Variants in KAT6B observed in about 807,000 individuals in gnomAD.
KAT6B encodes histone acetyltransferase KAT6B.
KAT6B carries 10 observed loss-of-function variants against 187.5 expected under a neutral mutation model. The observed-to-expected ratio is 0.05, with a 90% confidence interval of 0.03 to 0.09. The LOEUF is 0.09. Among genes scored for constraint, KAT6B ranks in the 10% least tolerant of loss-of-function variants. The pLI is 1.00. For missense variants in KAT6B, 1,952 were observed against 2,558.9 expected (o/e 0.76, Z 5.12); for synonymous variants, 861 against 926.8 (o/e 0.93, Z 1.29).
At chr10:74,969,840 A>G in intron 5 of KAT6B, 65 bp downstream of exon 5, 2 of 1,227,160 alleles carry the variant, frequency 1.6e-6, no homozygotes, top group Non-Finnish European at 1.2e-6. Context: ...AGGTGTTTTC[A>G]TTTTTATAGA....
intron 13 of KAT6B, among the ~76,000 whole-genome samples, chr10:75,003,693 G>A (rs772409363): frequency 6.6e-6 from 1 of 151,970 alleles, no homozygotes; most frequent in South Asian, 2.1e-4. Context: ...AAAAGCTTCT[G>A]CCATTACTGT....
In KAT6B at chr10:75,029,297, G is replaced by A; in HGVS notation, c.4473G>A (p.Glu1491=). The stretch of plus-strand genomic sequence containing the variant: ...CTTCTTGTAACAGTGAGCCCAAGGA[G>A]CTTGCTGGGGACCCTGAAGCTGTAC... ...LTASCNSEPK[E]LAGDPEAVPE... Residue 1491 remains glutamate (E), a synonymous_variant, in exon 18 of 18, where the codon GAG becomes GAA. Transcript: ENST00000287239. This position sits in a 1 kb window ranked among gnomAD's most constrained non-coding sequence, Gnocchi z 6.2. The A allele has an allele frequency of 1.2e-6, 2 of 1,614,152 alleles. No individual in the cohort carries two copies. Among genetic ancestry groups the A allele is most frequent in the Non-Finnish European group, 1.7e-6 (2 of 1,180,036 alleles).
At chr10:74,972,709 C>CA in intron 7 of KAT6B, 70 bp downstream of exon 7, 1 of 1,413,636 alleles carries the variant, frequency 7.1e-7, no homozygotes, top group South Asian at 1.2e-5. Context: ...GTTATTCTCT[C>CA]AGATTCCTTT....
chr10:74,926,053 A>G (rs771542329), intron 3 of KAT6B, among the ~76,000 whole-genome samples: 1 of 152,222 alleles, frequency 6.6e-6, no homozygotes, highest in Non-Finnish European at 1.5e-5. Flanking sequence ...CATAGACCTC[A>G]TATGTGTATT....
intron 3 of KAT6B, among the ~76,000 whole-genome samples, chr10:74,922,911 G>A (rs571968407): frequency 6.6e-6 from 1 of 152,234 alleles, no homozygotes; most frequent in African/African-American, 2.4e-5. Context: ...AATAGCACAG[G>A]TGATACACAG....
intron 2 of KAT6B, among the ~76,000 whole-genome samples, 169 bp downstream of exon 2, chr10:74,838,921 G>A (rs1413810250): frequency 1.3e-5 from 2 of 152,152 alleles, no homozygotes; most frequent in Non-Finnish European, 2.9e-5. Context: ...TTGGGAGGCC[G>A]AAGTGGGCGG....
At chr10:75,026,406 G>A (rs948407961) in intron 17 of KAT6B, among the ~76,000 whole-genome samples, 1 of 152,134 alleles carries the variant, frequency 6.6e-6, no homozygotes, top group Non-Finnish European at 1.5e-5. Flanking sequence ...CCCTGGCCAA[G>A]ATGACTCTAT....
At chr10:74,848,938 T>C (rs1842293980) in intron 3 of KAT6B, among the ~76,000 whole-genome samples, 1 of 152,200 alleles carries the variant, frequency 6.6e-6, no homozygotes, top group Non-Finnish European at 1.5e-5. Context: ...ATGATATAAG[T>C]GAAAACAGTT....
rs1318980108 is a variant in KAT6B at position 74,976,075 on chromosome 10, A to G, written c.1738A>G (p.Thr580Ala). 1 of 1,614,186 alleles carries G rather than the reference A, an allele frequency of 6.2e-7. No individual in the cohort carries two copies. Among genetic ancestry groups the G allele is most frequent in the Admixed American group, 1.7e-5 (1 of 60,028 alleles). The change falls in exon 8 of 18, where the codon ACG becomes GCG. Residue 580 changes from threonine to alanine, a missense_variant. Around this residue, in one of 9 missense-constraint regions of KAT6B, gnomAD observed 417 missense variants for 508.9 expected, o/e 0.82. Coordinates refer to ENST00000287239, the MANE Select transcript of KAT6B (RefSeq NM_012330.4). ...RMRRKTELSS[T>A]AKSKAHFFGK... is the part of the protein sequence containing the mutation. ...GCGTCGTAAAACTGAATTATCTTCC[A>G]CGGCAAAATCTAAAGCCCACTTCTT... is the stretch of plus-strand genomic sequence containing the variant.
At chr10:74,925,159 G>A (rs1020210515) in intron 3 of KAT6B, among the ~76,000 whole-genome samples, 1 of 152,086 alleles carries the variant, frequency 6.6e-6, no homozygotes, top group African/African-American at 2.4e-5. Flanking sequence ...CCCTACCTCA[G>A]CCTCCCAATT....
At chr10:74,828,814 G>A (rs1439708129) in intron 1 of KAT6B, among the ~76,000 whole-genome samples, 1 of 151,824 alleles carries the variant, frequency 6.6e-6, no homozygotes, top group Non-Finnish European at 1.5e-5. Flanking sequence ...TGATCTGCCC[G>A]CCTCGGCCTC....
At chr10:75,009,741 C>T (rs1446748850) in intron 13 of KAT6B, among the ~76,000 whole-genome samples, 1 of 152,200 alleles carries the variant, frequency 6.6e-6, no homozygotes, top group Non-Finnish European at 1.5e-5. Context: ...CGCAGTGGCT[C>T]ATGCCTGTAA....
intron 3 of KAT6B, among the ~76,000 whole-genome samples, chr10:74,931,999 A>C (rs1848916902): frequency 6.6e-6 from 1 of 152,260 alleles, no homozygotes; most frequent in African/African-American, 2.4e-5. Context: ...GGCGTGAGCC[A>C]CCACGCCCGG....
chr10:74,845,846 C>A (rs1282368447), intron 3 of KAT6B, among the ~76,000 whole-genome samples: 3 of 147,146 alleles, frequency 2.0e-5, no homozygotes, highest in African/African-American at 7.4e-5. Context: ...GAAAGGCAAA[C>A]CACCTGGTCC....
intron 10 of KAT6B, among the ~76,000 whole-genome samples, chr10:74,981,338 CCTTT>C (rs1175014707): frequency 1.8e-4 from 27 of 148,112 alleles, no homozygotes; most frequent in Admixed American, 2.7e-4. Flanking sequence ...TTCCTTCCTT[CCTTT>C]CTTCCTTTCT....
At chr10:74,938,911 A>G (rs1249329540) in intron 3 of KAT6B, among the ~76,000 whole-genome samples, 1 of 151,838 alleles carries the variant, frequency 6.6e-6, no homozygotes. Flanking sequence ...TAATTTTTGT[A>G]ATTTTAGTAG....
At chr10:74,834,162 A>G (rs1161864977) in intron 1 of KAT6B, among the ~76,000 whole-genome samples, 2 of 150,884 alleles carry the variant, frequency 1.3e-5, no homozygotes, top group African/African-American at 4.9e-5. Context: ...TCACGTTCAC[A>G]CACCACAGCT....
At chr10:74,854,064 T>A (rs1842665561) in intron 3 of KAT6B, among the ~76,000 whole-genome samples, 1 of 152,252 alleles carries the variant, frequency 6.6e-6, no homozygotes, top group African/African-American at 2.4e-5. Flanking sequence ...CTGATCACAC[T>A]AGCATTTAAA....
chr10:74,899,621 A>G (rs1323582575), intron 3 of KAT6B, among the ~76,000 whole-genome samples: 1 of 152,160 alleles, frequency 6.6e-6, no homozygotes, highest in Admixed American at 6.6e-5. Context: ...TGGTTCTTGA[A>G]TAATTTTTCC....
Sources: allele counts gnomAD v4.1 joint callset (sites outside exome capture counted in the v4.1 genomes callset), GRCh38; gene constraint gnomAD v4.1.1; regional missense constraint gnomAD v4.1.1; non-coding constraint Gnocchi (gnomAD v3.1); transcripts MANE v1.5; gene names NCBI Gene and HGNC (gene_info 2026-07-23, HGNC 2026-07-21).